The following WDFY4 variants were observed in gnomAD, a reference collection of about 807,000 sequenced individuals.
WDFY4 encodes WD repeat- and FYVE domain-containing protein 4.
In WDFY4, 169 loss-of-function variants were observed where a neutral mutation model predicts 351.9. The ratio of observed to expected loss-of-function variants is 0.48; its 90% CI spans 0.42 to 0.55. The LOEUF (loss-of-function observed/expected upper bound fraction) is 0.55. WDFY4 is among the 20% of genes least tolerant of loss of function. WDFY4 has a pLI of 0.00. For synonymous variants in WDFY4, 1,622 were observed against 1,574.6 expected (o/e 1.03, Z -0.71); for missense variants, 3,803 against 3,935.6 (o/e 0.97, Z 0.90).
At chr10:48,738,572 T>C (rs919388062) in intron 11 of WDFY4, among the ~76,000 whole-genome samples, 1 of 152,192 alleles carries the variant, frequency 6.6e-6, no homozygotes, top group Non-Finnish European at 1.5e-5. Context: ...AGGGGGCACT[T>C]GGGAGGAATG....
chr10:48,807,165 G>T (rs75905363), intron 27 of WDFY4, among the ~76,000 whole-genome samples: 1 of 152,140 alleles, frequency 6.6e-6, no homozygotes, highest in Non-Finnish European at 1.5e-5. Context: ...ACAGTATGGC[G>T]TGGTGTATGC....
At chr10:48,965,829 C>CTGTAT (rs1842054318) in intron 54 of WDFY4, among the ~76,000 whole-genome samples, 11 of 4,886 alleles carry the variant, frequency 2.3e-3, no homozygotes, top group South Asian at 6.7e-3. Context: ...TATATCTATA[C>CTGTAT]CAGTTAGATA....
At chr10:48,732,606 A>C (rs1383577273) in intron 9 of WDFY4, among the ~76,000 whole-genome samples, 1 of 152,214 alleles carries the variant, frequency 6.6e-6, no homozygotes, top group Non-Finnish European at 1.5e-5. Context: ...AAACTGAGTG[A>C]TCTTGAGAAA....
intron 39 of WDFY4, among the ~76,000 whole-genome samples, chr10:48,838,902 G>A (rs1403952343): frequency 6.6e-6 from 1 of 152,262 alleles, no homozygotes; most frequent in Non-Finnish European, 1.5e-5. Flanking sequence ...ACCTGGTCTT[G>A]CTTGCTGGCA....
chr10:48,858,701 A>G (rs1389399548), intron 39 of WDFY4, among the ~76,000 whole-genome samples: 2 of 152,078 alleles, frequency 1.3e-5, no homozygotes, highest in Non-Finnish European at 2.9e-5. Flanking sequence ...CCCTTTTCCA[A>G]TTGACACCAG....
At chr10:48,911,372 T>C (rs1162551035) in intron 47 of WDFY4, among the ~76,000 whole-genome samples, 1 of 152,236 alleles carries the variant, frequency 6.6e-6, no homozygotes, top group Non-Finnish European at 1.5e-5. Context: ...ATGGCATGTA[T>C]CAACATTATT....
chr10:48,750,236 C>T (rs2065139223), intron 12 of WDFY4, among the ~76,000 whole-genome samples: 2 of 152,216 alleles, frequency 1.3e-5, no homozygotes, highest in Admixed American at 6.5e-5. Context: ...CTGAACAGTT[C>T]ACATGAAGGC....
intron 5 of WDFY4, 34 bp from the exon 6 acceptor site, chr10:48,725,847 G>A: frequency 2.0e-6 from 3 of 1,516,238 alleles, no homozygotes; most frequent in Non-Finnish European, 2.7e-6. Flanking sequence ...TTCCTAACCA[G>A]GTCTCCTTGA....
At chr10:48,779,695 C>T (rs1243318061) in intron 18 of WDFY4, among the ~76,000 whole-genome samples, 5 of 152,192 alleles carry the variant, frequency 3.3e-5, no homozygotes, top group African/African-American at 1.2e-4. Context: ...GTATGAGCGC[C>T]TACCTCACAG....
chr10:48,739,448 T>C (rs1399066023), intron 11 of WDFY4, among the ~76,000 whole-genome samples: 1 of 152,240 alleles, frequency 6.6e-6, no homozygotes, highest in African/African-American at 2.4e-5. Context: ...TCATGCAAAG[T>C]TGAATGACAG....
In WDFY4 at chr10:48,820,301, T is replaced by C; in HGVS notation, c.5573T>C (p.Val1858Ala). 6.4e-7 allele frequency: 1 copy of C among 1,551,596 alleles called. No homozygotes were observed. Among genetic ancestry groups the C allele is most frequent in the Non-Finnish European group, 8.7e-7 (1 of 1,146,960 alleles). Reference protein sequence around the residue: ...PEAAAEGDSTVEGLQAPTKAH... With the variant: ...PEAAAEGDSTAEGLQAPTKAH... ...GCCGCAGCTGAAGGCGACAGCACAG[T>C]GGAGGGTCTCCAGGCTCCCACCAAG... The change falls in exon 33 of 62, where the codon GTG becomes GCG. Residue 1858 changes from valine to alanine, a missense_variant. By Grantham distance (64) the Val-to-Ala change is moderately conservative (BLOSUM62 0). Coordinates refer to ENST00000325239, the MANE Select transcript of WDFY4 (RefSeq NM_001394531.1).
intron 20 of WDFY4, 39 bp downstream of exon 20, chr10:48,786,909 T>G: frequency 6.6e-7 from 1 of 1,522,404 alleles, no homozygotes; most frequent in Non-Finnish European, 8.9e-7. Context: ...TTGCTGATAT[T>G]AGTTTTTAAA....
chr10:48,829,947 T>G (rs2068132154), intron 37 of WDFY4, among the ~76,000 whole-genome samples: 1 of 152,192 alleles, frequency 6.6e-6, no homozygotes, highest in South Asian at 2.1e-4. Context: ...TTGGACATGG[T>G]TTTGATTACA....
chr10:48,775,898 C>T (rs763718201), intron 15 of WDFY4, 92 bp downstream of exon 15: 2 of 1,209,614 alleles, frequency 1.7e-6, no homozygotes, highest in African/African-American at 3.1e-5. Context: ...GGTGGGAAAG[C>T]AAACAGGTTT....
rs571212922 is a variant in WDFY4 at position 48,698,486 on chromosome 10, G to A, written c.-17-11230G>A. On this transcript the variant is annotated intron_variant, in intron 1 of 61. Coordinates refer to ENST00000325239, the MANE Select transcript of WDFY4 (RefSeq NM_001394531.1). ...GCAGCAGTGGCCTCCCGGAGGAACAGTGAGGGGCAAGAGGCCTTCACCCCA... is the reference window on the plus strand; with the variant it reads ...GCAGCAGTGGCCTCCCGGAGGAACAATGAGGGGCAAGAGGCCTTCACCCCA... Among the ~76,000 whole-genome samples the A allele has an allele frequency of 2.6e-5, 4 of 152,320 alleles. No homozygotes were observed. In the East Asian group the frequency reaches 7.7e-4, roughly 29 times the overall value.
chr10:48,879,879 C>T (rs1191761865), intron 43 of WDFY4, among the ~76,000 whole-genome samples: 1 of 152,164 alleles, frequency 6.6e-6, no homozygotes. Context: ...CCCCCTCTGC[C>T]TCCCGCTCCC....
At chr10:48,952,382 G>A (rs1841369967) in intron 51 of WDFY4, among the ~76,000 whole-genome samples, 1 of 152,202 alleles carries the variant, frequency 6.6e-6, no homozygotes, top group South Asian at 2.1e-4. Context: ...AAGGGCATGG[G>A]ATCTGTAAGG....
At chr10:48,697,495 G>A (rs900246052) in intron 1 of WDFY4, among the ~76,000 whole-genome samples, 1 of 152,214 alleles carries the variant, frequency 6.6e-6, no homozygotes, top group Non-Finnish European at 1.5e-5. Context: ...GAGTGGCCTG[G>A]GTGGGCGATG....
chr10:48,828,462 A>C (rs2068077496), intron 36 of WDFY4, among the ~76,000 whole-genome samples: 1 of 152,190 alleles, frequency 6.6e-6, no homozygotes, highest in South Asian at 2.1e-4. Flanking sequence ...ATTCTTTGGG[A>C]AGGCACTGAA....
Sources: gnomAD v4.1 joint callset for allele counts (sites outside exome capture counted in the v4.1 genomes callset) on GRCh38, gnomAD v4.1.1 for gene constraint, MANE v1.5 for transcripts, NCBI Gene and HGNC (gene_info 2026-07-23, HGNC 2026-07-21) for gene names.